Variants in RABGAP1 observed in about 807,000 individuals in gnomAD.
RABGAP1 encodes rab GTPase-activating protein 1.
A neutral mutation model predicts 137.6 loss-of-function variants in RABGAP1; 23 were observed. That is an observed-to-expected ratio of 0.17 (90% CI 0.12 to 0.24). The LOEUF (loss-of-function observed/expected upper bound fraction) is 0.24. Among genes scored for constraint, RABGAP1 ranks in the 10% least tolerant of loss-of-function variants. The probability of loss-of-function intolerance (pLI) is 1.00; values close to 1 mark genes in which losing one functional copy is unlikely to be tolerated. For missense variants in RABGAP1, 906 were observed against 1,275.8 expected (o/e 0.71, Z 4.42); for synonymous variants, 451 against 450.7 (o/e 1.00, Z -0.01).
chr9:123,062,549 A>G (rs2034018043), intron 13 of RABGAP1: 1 of 152,204 alleles, frequency 6.6e-6, no homozygotes, highest in Non-Finnish European at 1.5e-5. Context: ...TTTTAAGCAA[A>G]TGATTCACAT....
chr9:123,096,880 T>C (rs974693752), intron 21 of RABGAP1, among the ~76,000 whole-genome samples: 1 of 152,180 alleles, frequency 6.6e-6, no homozygotes, highest in Non-Finnish European at 1.5e-5. Context: ...CAGTTCCCCA[T>C]TTAAGGACCC....
chr9:123,089,319 A>G (rs2034967482), intron 19 of RABGAP1, among the ~76,000 whole-genome samples: 1 of 152,200 alleles, frequency 6.6e-6, no homozygotes, highest in Admixed American at 6.5e-5. Flanking sequence ...AAGTTACATA[A>G]CCAACCTCCT....
At chr9:123,099,573 G>A (rs1051651791) in intron 24 of RABGAP1, 24 bp downstream of exon 24, 1 of 1,561,942 alleles carries the variant, frequency 6.4e-7, no homozygotes, top group African/African-American at 1.4e-5. Context: ...TTACCTAAAA[G>A]ATTTTATACC....
chr9:122,944,626 A>C (rs1318595221), intron 1 of RABGAP1, among the ~76,000 whole-genome samples: 1 of 151,742 alleles, frequency 6.6e-6, no homozygotes, highest in Non-Finnish European at 1.5e-5. Context: ...GCTGGAGTGC[A>C]GTGGCGTGAT....
intron 13 of RABGAP1, among the ~76,000 whole-genome samples, chr9:123,059,554 CAAAAT>C (rs1037644772): frequency 6.6e-6 from 1 of 151,882 alleles, no homozygotes; most frequent in African/African-American, 2.4e-5. Context: ...TACTCCGTCT[CAAAAT>C]AAATAAAAAT....
intron 13 of RABGAP1, among the ~76,000 whole-genome samples, chr9:123,036,170 T>C (rs930824106): frequency 6.6e-6 from 1 of 152,260 alleles, no homozygotes; most frequent in East Asian, 1.9e-4. Flanking sequence ...TTCTGTGTTT[T>C]ATTCTCTTGA....
At position 122,977,434 on chromosome 9, in the gene RABGAP1, G is replaced by A. The variant is rs141441246; in HGVS notation, c.151-7051G>A. On this transcript the variant is annotated intron_variant, in intron 2 of 25. Coordinates refer to ENST00000373647, the MANE Select transcript of RABGAP1 (RefSeq NM_012197.4). ...AAAAGGATGCAGGAGGGCTGGGTTC[G>A]GTGGCTCATGCCTGCTAATCCCAAC... is the stretch of plus-strand genomic sequence containing the variant. Among the ~76,000 whole-genome samples the A allele has an allele frequency of 2.9e-3, 444 of 152,284 alleles. 5 individuals carry two copies. Among genetic ancestry groups the A allele is most frequent in the African/African-American group, 9.8e-3 (409 of 41,556 alleles).
chr9:123,006,430 C>T (rs768079462), intron 10 of RABGAP1, among the ~76,000 whole-genome samples: 32 of 152,084 alleles, frequency 2.1e-4, no homozygotes, highest in Admixed American at 1.4e-3. Flanking sequence ...AATGGCTATT[C>T]TCTTGTCCCA....
chr9:122,984,743 G>A (rs375731720), intron 3 of RABGAP1, 24 bp downstream of exon 3: 22 of 1,594,242 alleles, frequency 1.4e-5, no homozygotes, highest in African/African-American at 1.3e-4. Flanking sequence ...CATTGCTTGC[G>A]TAACTGAAGG....
chr9:123,049,879 T>TA (rs2033381661), intron 13 of RABGAP1, among the ~76,000 whole-genome samples: 1 of 152,226 alleles, frequency 6.6e-6, no homozygotes, highest in African/African-American at 2.4e-5. Flanking sequence ...TTGCTTCTCA[T>TA]AAACTGTGAG....
intron 21 of RABGAP1, among the ~76,000 whole-genome samples, chr9:123,092,060 T>C (rs2035047923): frequency 1.3e-5 from 2 of 152,056 alleles, no homozygotes; most frequent in South Asian, 4.2e-4. Context: ...AGAAAAAAAA[T>C]ATGGGTCTTG....
At chr9:123,052,422 A>G (rs553523372) in intron 13 of RABGAP1, among the ~76,000 whole-genome samples, 13 of 152,364 alleles carry the variant, frequency 8.5e-5, no homozygotes, top group South Asian at 2.1e-4. Flanking sequence ...GATCTTTTAG[A>G]TAAGTGGCTC....
rs555595210 is a variant in RABGAP1 at position 122,974,301 on chromosome 9, C to A, written c.151-10184C>A. 1.1e-4 allele frequency among the ~76,000 whole-genome samples: 17 copies of A among 151,976 alleles called. 1 individual carries two copies. The South Asian group carries it at 3.1e-3, about 28-fold the overall frequency. ...AGAGTGCCCTGTACAAACAAGTGAGCCTGTAACGTGGTAAGATCCAGAAGC... is the reference window on the plus strand; with the variant it reads ...AGAGTGCCCTGTACAAACAAGTGAGACTGTAACGTGGTAAGATCCAGAAGC... On this transcript the variant is annotated intron_variant, in intron 2 of 25. Coordinates refer to ENST00000373647, the MANE Select transcript of RABGAP1 (RefSeq NM_012197.4).
chr9:123,033,873 G>C (rs560610190), intron 13 of RABGAP1: 2 of 152,302 alleles, frequency 1.3e-5, no homozygotes, highest in South Asian at 4.1e-4. Context: ...TGTAGTGAAA[G>C]GTTTTCCTAA....
chr9:123,028,000 G>A (rs2032079705), intron 13 of RABGAP1, among the ~76,000 whole-genome samples: 1 of 152,196 alleles, frequency 6.6e-6, no homozygotes, highest in Non-Finnish European at 1.5e-5. Context: ...CTTTGTGTGA[G>A]TTTATGTAAG....
At chr9:123,095,226 C>CAG (rs2035145645) in intron 21 of RABGAP1, among the ~76,000 whole-genome samples, 1 of 61,252 alleles carries the variant, frequency 1.6e-5, no homozygotes, top group African/African-American at 5.8e-5. Flanking sequence ...AACCTTGTCC[C>CAG]AAAAAAAAAA....
intron 13 of RABGAP1, among the ~76,000 whole-genome samples, chr9:123,037,103 G>A (rs1414689755): frequency 6.6e-6 from 1 of 152,128 alleles, no homozygotes; most frequent in East Asian, 1.9e-4. Context: ...TAATCTGAAT[G>A]CGACAGTGGT....
intron 19 of RABGAP1, among the ~76,000 whole-genome samples, chr9:123,089,189 G>A (rs1364084926): frequency 2.0e-5 from 3 of 152,170 alleles, no homozygotes; most frequent in African/African-American, 7.2e-5. Flanking sequence ...CACAGAAGAA[G>A]GTAGGAGAGA....
chr9:123,047,878 G>A (rs979348825), intron 13 of RABGAP1, among the ~76,000 whole-genome samples: 34 of 107,692 alleles, frequency 3.2e-4, no homozygotes, highest in Non-Finnish European at 6.5e-4. Flanking sequence ...TTTGTTAATT[G>A]TTATAAGAGC....
Sources: allele counts gnomAD v4.1 joint callset (sites outside exome capture counted in the v4.1 genomes callset), GRCh38; gene constraint gnomAD v4.1.1; transcripts MANE v1.5; gene names NCBI Gene and HGNC (gene_info 2026-07-23, HGNC 2026-07-21).